The following LPP variants were observed in gnomAD, a reference collection of about 807,000 sequenced individuals.
The protein encoded by LPP is LIM domain containing preferred translocation partner in lipoma.
A neutral mutation model predicts 60.4 loss-of-function variants in LPP; 38 were observed. The observed-to-expected ratio is 0.63, with a 90% confidence interval of 0.49 to 0.83. The LOEUF is 0.83. LPP is among the 40% of genes least tolerant of loss of function. The pLI, the probability that LPP is intolerant of heterozygous loss-of-function variation, is 0.00. For synonymous variants in LPP, 328 were observed against 290.8 expected (o/e 1.13, Z -1.30); for missense variants, 902 against 783.6 (o/e 1.15, Z -1.80).
At chr3:188,732,142 A>G (rs1720841324) in intron 8 of LPP, among the ~76,000 whole-genome samples, 1 of 152,188 alleles carries the variant, frequency 6.6e-6, no homozygotes, top group Admixed American at 6.5e-5. Context: ...GGAATTAAGT[A>G]AGGAAACTTG....
chr3:188,859,777 G>A (rs1214994651), intron 9 of LPP, among the ~76,000 whole-genome samples: 3 of 152,158 alleles, frequency 2.0e-5, no homozygotes, highest in Admixed American at 6.5e-5. Flanking sequence ...TTTCAGTTCT[G>A]TGTTTCATAG....
chr3:188,286,440 C>G (rs543760332), intron 2 of LPP, among the ~76,000 whole-genome samples: 2 of 152,198 alleles, frequency 1.3e-5, no homozygotes, highest in Admixed American at 1.3e-4. Context: ...AACCCACTTA[C>G]TCTAGGTGGA....
chr3:188,716,784 C>G (rs1560107773), intron 8 of LPP, among the ~76,000 whole-genome samples: 1 of 152,096 alleles, frequency 6.6e-6, no homozygotes, highest in Non-Finnish European at 1.5e-5. Flanking sequence ...GTGATAGGTA[C>G]TCAAGCAACT....
At chr3:188,839,610 T>C (rs1759391811) in intron 9 of LPP, among the ~76,000 whole-genome samples, 1 of 152,078 alleles carries the variant, frequency 6.6e-6, no homozygotes, top group African/African-American at 2.4e-5. Context: ...ACATAGCCCA[T>C]TAAGAGTAAG....
intron 9 of LPP, among the ~76,000 whole-genome samples, chr3:188,774,475 C>T (rs1395302738): frequency 2.0e-5 from 3 of 151,854 alleles, no homozygotes; most frequent in African/African-American, 4.8e-5. Context: ...TTTCCCTATC[C>T]ACCTCCAAAT....
intron 7 of LPP, among the ~76,000 whole-genome samples, chr3:188,655,780 T>C (rs1175229878): frequency 1.3e-5 from 2 of 152,194 alleles, no homozygotes. Flanking sequence ...TTTATTTAAA[T>C]TAAATAATCC....
rs777646093 is a variant in LPP, at chr3:188,609,805, T to C, written c.1074T>C (p.Asp358=). ...VTGPKKTYIT[D]PVSAPCAPPL... ...GTCCCAAGAAGACCTATATCACAGA[T>C]CCTGTTTCAGCCCCCTGTGCGCCAC... The change falls in exon 7 of 12, where the codon GAT becomes GAC. Residue 358 remains aspartate, a synonymous_variant. Transcript: ENST00000617246. The surrounding 1 kb of genome is among the most constrained non-coding windows in gnomAD (Gnocchi z 6.9). 5 of 1,613,366 alleles carry C rather than the reference T, an allele frequency of 3.1e-6. No homozygotes were observed. Among genetic ancestry groups the C allele is most frequent in the African/African-American group, 1.3e-5 (1 of 74,886 alleles).
chr3:188,733,968 C>G (rs1330453847), intron 8 of LPP, among the ~76,000 whole-genome samples: 1 of 152,024 alleles, frequency 6.6e-6, no homozygotes, highest in East Asian at 1.9e-4. Context: ...CCTTTTTCCT[C>G]CTTAGTGGAA....
chr3:188,247,132 A>G, intron 2 of LPP: 2 of 981,806 alleles, frequency 2.0e-6, no homozygotes, highest in Non-Finnish European at 2.4e-6. Flanking sequence ...TGGGGTAATG[A>G]GCTCTTTTCG....
chr3:188,874,590 A>G lies in LPP; in HGVS notation c.*111A>G, dbSNP rs1769027082. On this transcript the variant is annotated 3_prime_UTR_variant, in exon 12 of 12. Coordinates refer to ENST00000617246, the MANE Select transcript of LPP (RefSeq NM_001375462.1). ...CGATAGTCTCTGTTCTTCATCTGCT[A>G]TTAACCTTGCCTTAGAAACACATAA... is the stretch of plus-strand genomic sequence containing the variant. 3 of 1,246,872 alleles carry G rather than the reference A, an allele frequency of 2.4e-6. No individual in the cohort carries two copies. The highest frequency in any genetic ancestry group is 3.2e-5 in the South Asian group (2 of 62,332). 77.2% of individuals were successfully genotyped at this position (1,246,872 alleles called of 1,614,324 possible).
At chr3:188,666,652 A>G (rs1855860280) in intron 7 of LPP, among the ~76,000 whole-genome samples, 1 of 152,246 alleles carries the variant, frequency 6.6e-6, no homozygotes, top group East Asian at 1.9e-4. Context: ...GCATGGAGCC[A>G]TCATTTATTC....
rs1419758882 is a variant in LPP at position 188,495,080 on chromosome 3, A to ATT, written c.306+10377_306+10378insTT. Among the ~76,000 whole-genome samples the ATT allele has an allele frequency of 1.2e-4, 12 of 100,782 alleles. 1 individual carries two copies. The highest frequency in any genetic ancestry group is 7.3e-4 in the African/African-American group (12 of 16,492). The allele number at this position is 100,782 out of a possible 152,430, so 66.1% of individuals were successfully genotyped here. On this transcript the variant is annotated intron_variant, in intron 5 of 11. Transcript: ENST00000617246. ...TTCAGGATTTTATATATATATATATATATTTTATTTATATTTTATTATATA... is the reference window on the plus strand; with the variant it reads ...TTCAGGATTTTATATATATATATATATTTATTTTATTTATATTTTATTATATA...
intron 5 of LPP, among the ~76,000 whole-genome samples, chr3:188,508,798 C>A (rs565391647): frequency 4.0e-4 from 61 of 152,304 alleles, no homozygotes; most frequent in African/African-American, 1.3e-3. Flanking sequence ...GTAAAGAATT[C>A]TTTAATGTGT....
intron 4 of LPP, among the ~76,000 whole-genome samples, chr3:188,422,244 C>A (rs190619944): frequency 1.4e-3 from 209 of 152,246 alleles, no homozygotes; most frequent in Non-Finnish European, 2.5e-3. Context: ...GGTCAGTAAT[C>A]ATCAGTAATC....
At chr3:188,718,117 C>T (rs1714834536) in intron 8 of LPP, among the ~76,000 whole-genome samples, 1 of 152,176 alleles carries the variant, frequency 6.6e-6, no homozygotes, top group Non-Finnish European at 1.5e-5. Flanking sequence ...CCACTGCACC[C>T]GGCCTGGCTA....
intron 7 of LPP, among the ~76,000 whole-genome samples, chr3:188,690,568 C>G (rs1196670533): frequency 1.3e-5 from 2 of 152,114 alleles, no homozygotes; most frequent in African/African-American, 4.8e-5. Context: ...CCTTTGAGCA[C>G]AAGCAATAAC....
intron 1 of LPP, among the ~76,000 whole-genome samples, chr3:188,203,487 T>TTAAATATATATAAATATATATATA (rs1560107271): frequency 1.5e-5 from 1 of 67,556 alleles, no homozygotes; most frequent in Non-Finnish European, 2.5e-5. Flanking sequence ...ATATATATAT[T>TTAAATATATATAAATATATATATA]TTTAAATATA....
At chr3:188,777,291 G>A (rs1738107407) in intron 9 of LPP, among the ~76,000 whole-genome samples, 1 of 140,902 alleles carries the variant, frequency 7.1e-6, no homozygotes, top group Non-Finnish European at 1.6e-5. Flanking sequence ...ATGCATCTAG[G>A]TTTTTTTTTT....
At chr3:188,251,478 C>G (rs1429299647) in intron 2 of LPP, among the ~76,000 whole-genome samples, 1 of 152,032 alleles carries the variant, frequency 6.6e-6, no homozygotes, top group Non-Finnish European at 1.5e-5. Flanking sequence ...CTTATAGCCT[C>G]TTTCAATGAC....
Sources: gnomAD v4.1 joint callset for allele counts (sites outside exome capture counted in the v4.1 genomes callset) on GRCh38, gnomAD v4.1.1 for gene constraint, Gnocchi (gnomAD v3.1) non-coding constraint, MANE v1.5 for transcripts, NCBI Gene and HGNC (gene_info 2026-07-23, HGNC 2026-07-21) for gene names.